Variants in RCAN2 observed in about 807,000 individuals in gnomAD.
RCAN2 encodes calcipressin-2.
In RCAN2, 9 loss-of-function variants were observed where a neutral mutation model predicts 23.6. The observed-to-expected ratio is 0.38, with a 90% CI of 0.23 to 0.67. RCAN2 has a LOEUF of 0.67. Among genes scored for constraint, RCAN2 ranks in the 30% least tolerant of loss-of-function variants. The pLI is 0.51. For synonymous variants in RCAN2, 109 were observed against 115.7 expected, an observed-to-expected ratio of 0.94 and a Z score of 0.37; for missense variants, 273 against 302.3, an observed-to-expected ratio of 0.90 and a Z score of 0.72.
intron 2 of RCAN2, among the ~76,000 whole-genome samples, chr6:46,296,228 G>A (rs1762726699): frequency 7.0e-6 from 1 of 142,532 alleles, no homozygotes; most frequent in African/African-American, 3.1e-5. Flanking sequence ...TGACCTTCTG[G>A]TTTACACATG....
intron 1 of RCAN2, among the ~76,000 whole-genome samples, chr6:46,480,125 G>C (rs1467183823): frequency 6.6e-6 from 1 of 152,154 alleles, no homozygotes; most frequent in East Asian, 1.9e-4. Flanking sequence ...ACTTTGACAA[G>C]GAATGGTGGG....
At position 46,220,834 on chromosome 6, in the gene RCAN2, A is replaced by C. The variant is rs1369999386; in HGVS notation, c.*2307T>G. On this transcript the variant is annotated 3_prime_UTR_variant, in exon 5 of 5. Coordinates refer to ENST00000371374, the MANE Select transcript of RCAN2 (RefSeq NM_001251974.2). The stretch of plus-strand genomic sequence containing the variant: ...ATCTTCCCCTTCCCCTTCATTGTTA[A>C]AGTTTTCAAACTTAAAATAGTGCTA... The C allele has an allele frequency of 6.6e-6, 1 of 152,618 alleles. No individual in the cohort carries two copies. Among genetic ancestry groups the C allele is most frequent in the Non-Finnish European group, 1.5e-5 (1 of 68,004 alleles). 9.5% of individuals were successfully genotyped at this position (152,618 alleles called of 1,614,324 possible). A position where few individuals can be genotyped will look rare whatever the true frequency, so the allele number is the denominator to read the frequency against.
At chr6:46,469,099 T>C (rs1244600238) in intron 1 of RCAN2, among the ~76,000 whole-genome samples, 1 of 152,178 alleles carries the variant, frequency 6.6e-6, no homozygotes, top group East Asian at 1.9e-4. Context: ...CCAGGGCTGA[T>C]TGTACTTCTG....
At chr6:46,474,442 C>T (rs1413500441) in intron 1 of RCAN2, among the ~76,000 whole-genome samples, 1 of 152,090 alleles carries the variant, frequency 6.6e-6, no homozygotes, top group Non-Finnish European at 1.5e-5. Flanking sequence ...ATTCTTGAAG[C>T]AACAGAGTGC....
At chr6:46,406,281 C>A (rs944760910) in intron 2 of RCAN2, among the ~76,000 whole-genome samples, 1 of 152,178 alleles carries the variant, frequency 6.6e-6, no homozygotes, top group African/African-American at 2.4e-5. Flanking sequence ...GAGGAGGCGC[C>A]GAGAGCAAGC....
chr6:46,307,804 C>T (rs1027063618), intron 2 of RCAN2, among the ~76,000 whole-genome samples: 1 of 152,052 alleles, frequency 6.6e-6, no homozygotes, highest in Non-Finnish European at 1.5e-5. Flanking sequence ...TTTGAATTAC[C>T]ACCTCTTTTT....
At chr6:46,232,152 C>T (rs77492858) in intron 4 of RCAN2, among the ~76,000 whole-genome samples, 8,927 of 152,326 alleles carry the variant, frequency 0.059, 913 homozygotes, top group African/African-American at 0.2. Context: ...ACTTTGCTAT[C>T]CTGCCCTGCG....
intron 2 of RCAN2, among the ~76,000 whole-genome samples, chr6:46,272,118 C>G: frequency 6.6e-6 from 1 of 152,312 alleles, no homozygotes; most frequent in East Asian, 1.9e-4. Flanking sequence ...GATTTTAACA[C>G]CAATGTTTGT....
At chr6:46,343,154 A>G (rs916476626) in intron 2 of RCAN2, among the ~76,000 whole-genome samples, 1 of 152,166 alleles carries the variant, frequency 6.6e-6, no homozygotes, top group African/African-American at 2.4e-5. Flanking sequence ...GAAGAAAAAG[A>G]CATTATATAC....
At chr6:46,370,375 C>T (rs539218904) in intron 2 of RCAN2, among the ~76,000 whole-genome samples, 1 of 152,324 alleles carries the variant, frequency 6.6e-6, no homozygotes, top group South Asian at 2.1e-4. Flanking sequence ...CTCTACCCTT[C>T]TGTGTCTTGC....
chr6:46,260,297 C>A (rs1345061), intron 2 of RCAN2, among the ~76,000 whole-genome samples: 117,783 of 152,072 alleles, frequency 0.77, 45,920 homozygotes, highest in Non-Finnish European at 0.81. Flanking sequence ...TTATTATATT[C>A]AAAATATTAT....
At chr6:46,262,877 TC>T (rs894754284) in intron 2 of RCAN2, among the ~76,000 whole-genome samples, 1 of 152,132 alleles carries the variant, frequency 6.6e-6, no homozygotes, top group African/African-American at 2.4e-5. Flanking sequence ...AGCCTTTTCC[TC>T]CAGATAACTT....
intron 2 of RCAN2, among the ~76,000 whole-genome samples, chr6:46,321,311 T>A (rs888586504): frequency 6.6e-6 from 1 of 152,230 alleles, no homozygotes; most frequent in African/African-American, 2.4e-5. Flanking sequence ...TGTCTGCATC[T>A]CATGTTAGAA....
chr6:46,280,198 G>A (rs933148922), intron 2 of RCAN2, among the ~76,000 whole-genome samples: 3 of 152,122 alleles, frequency 2.0e-5, no homozygotes, highest in Non-Finnish European at 4.4e-5. Context: ...TCCCAGGCTT[G>A]GCAGTAAAAG....
intron 2 of RCAN2, among the ~76,000 whole-genome samples, chr6:46,401,765 A>T (rs1450725806): frequency 1.3e-5 from 2 of 152,208 alleles, no homozygotes; most frequent in African/African-American, 2.4e-5. Flanking sequence ...AGATATAGTA[A>T]TAGTAAAAGC....
At chr6:46,410,125 G>A (rs1766506099) in intron 2 of RCAN2, among the ~76,000 whole-genome samples, 1 of 152,020 alleles carries the variant, frequency 6.6e-6, no homozygotes, top group Non-Finnish European at 1.5e-5. Flanking sequence ...GACCCTCTAG[G>A]GTCTTTGGGC....
chr6:46,340,674 A>G (rs560402782), intron 2 of RCAN2, among the ~76,000 whole-genome samples: 2 of 152,360 alleles, frequency 1.3e-5, no homozygotes, highest in African/African-American at 4.8e-5. Context: ...GGAGTGGGAA[A>G]TAAGTCTCTC....
intron 1 of RCAN2, among the ~76,000 whole-genome samples, chr6:46,481,266 C>T (rs747475162): frequency 3.3e-5 from 5 of 152,112 alleles, no homozygotes; most frequent in Non-Finnish European, 7.3e-5. Flanking sequence ...GGTCAGCACA[C>T]CTGATTCATA....
chr6:46,459,604 T>G (rs1328061840), intron 1 of RCAN2, among the ~76,000 whole-genome samples: 5 of 152,208 alleles, frequency 3.3e-5, no homozygotes, highest in Non-Finnish European at 7.3e-5. Context: ...ACTTTAGAAG[T>G]CAGAGCTTTG....
Sources: gnomAD v4.1 joint callset for allele counts (sites outside exome capture counted in the v4.1 genomes callset) on GRCh38, gnomAD v4.1.1 for gene constraint, MANE v1.5 for transcripts, NCBI Gene and HGNC (gene_info 2026-07-23, HGNC 2026-07-21) for gene names.